Variants in CCDC32 observed in about 807,000 individuals in gnomAD.
CCDC32 encodes coiled-coil domain containing 32.
CCDC32 carries 9 observed loss-of-function variants against 20.1 expected under a neutral mutation model. The observed-to-expected ratio is 0.45, with a 90% CI of 0.27 to 0.78. The LOEUF (loss-of-function observed/expected upper bound fraction) is 0.78, where lower values mean the gene tolerates loss of function less well. Ranked by LOEUF, CCDC32 falls within the 30% of genes least tolerant of loss-of-function variation. CCDC32 has a pLI of 0.16. For missense variants in CCDC32, 204 were observed against 215.5 expected, an observed-to-expected ratio of 0.95 and a Z score of 0.33; for synonymous variants, 63 against 79.0, an observed-to-expected ratio of 0.80 and a Z score of 1.07.
chr15:40,539,305 G>T, exon 4 of CCDC32: 1 of 1,535,598 alleles, frequency 6.5e-7, no homozygotes, highest in Non-Finnish European at 8.7e-7. Context: ...GCTGTCCCAC[G>T]CTCCATCCTC....
downstream of CCDC32, among the ~76,000 whole-genome samples, chr15:40,533,896 T>G (rs2959535): frequency 0.88 from 134,227 of 151,992 alleles, 59,596 homozygotes; most frequent in Non-Finnish European, 0.93. Flanking sequence ...GAAATCAAAT[T>G]ACTTTTACAA....
At chr15:40,530,488 CCTCTCTCTCTCT>C (rs896502252), downstream of CCDC32, among the ~76,000 whole-genome samples, 1 of 139,420 alleles carries the variant, frequency 7.2e-6, no homozygotes, top group South Asian at 2.4e-4. Flanking sequence ...TCTCTCTCTC[CCTCTCTCTCTCT>C]CTCTGGTTGT....
downstream of CCDC32, among the ~76,000 whole-genome samples, chr15:40,530,726 T>G (rs1483683054): frequency 6.7e-6 from 1 of 150,242 alleles, no homozygotes; most frequent in Non-Finnish European, 1.5e-5. Flanking sequence ...GTATTCCTTT[T>G]TTTTTTTTTT....
At chr15:40,556,024 C>G (rs1369717401) in intron 3 of CCDC32, among the ~76,000 whole-genome samples, 1 of 152,188 alleles carries the variant, frequency 6.6e-6, no homozygotes, top group African/African-American at 2.4e-5. Context: ...TCATTTAACC[C>G]TCATAACAAC....
intron 3 of CCDC32, among the ~76,000 whole-genome samples, chr15:40,544,841 A>G (rs1889547242): frequency 6.6e-6 from 1 of 152,108 alleles, no homozygotes; most frequent in African/African-American, 2.4e-5. Flanking sequence ...CTAGTTGTGT[A>G]GTTAATTTCT....
chr15:40,550,726 G>A (rs893981347), downstream of CCDC32, among the ~76,000 whole-genome samples: 8 of 152,146 alleles, frequency 5.3e-5, no homozygotes, highest in Non-Finnish European at 1.2e-4. Context: ...GTTCCCTTCC[G>A]TGGAGTCGTG....
At chr15:40,533,497 C>T (rs1211877798), downstream of CCDC32, among the ~76,000 whole-genome samples, 1 of 152,010 alleles carries the variant, frequency 6.6e-6, no homozygotes, top group African/African-American at 2.4e-5. Context: ...CAAGTGCGCA[C>T]CACCACGCCC....
At chr15:40,559,608 A>G (rs566279368) in intron 2 of CCDC32, among the ~76,000 whole-genome samples, 2 of 152,218 alleles carry the variant, frequency 1.3e-5, no homozygotes, top group South Asian at 4.2e-4. Context: ...CTATCTTTCT[A>G]TCACTCCACC....
chr15:40,537,128 A>C (rs1889151208), downstream of CCDC32: 1 of 152,378 alleles, frequency 6.6e-6, no homozygotes, highest in African/African-American at 2.4e-5. Context: ...AAGGACCACC[A>C]GGGGCTCCAG....
chr15:40,543,140 T>TAA (rs147088623), intron 3 of CCDC32, among the ~76,000 whole-genome samples: 30 of 140,164 alleles, frequency 2.1e-4, no homozygotes, highest in Middle Eastern at 3.7e-3. Flanking sequence ...AGACTCTGTC[T>TAA]AAAAAAAAAA....
intron 3 of CCDC32, among the ~76,000 whole-genome samples, chr15:40,541,173 T>C (rs1446813054): frequency 6.6e-6 from 1 of 152,158 alleles, no homozygotes; most frequent in Non-Finnish European, 1.5e-5. Context: ...CCCTCCTCTC[T>C]CCTCTGCGTG....
chr15:40,545,186 C>T (rs556618167), intron 3 of CCDC32, among the ~76,000 whole-genome samples: 88 of 152,312 alleles, frequency 5.8e-4, no homozygotes, highest in Non-Finnish European at 9.8e-4. Context: ...TGCTGAAGAC[C>T]ACACTGCACC....
chr15:40,562,627 T>G, intron 2 of CCDC32, 145 bp downstream of exon 2: 2 of 894,678 alleles, frequency 2.2e-6, no homozygotes, highest in Non-Finnish European at 3.4e-6. Context: ...AAAAGGGGGC[T>G]GCTTCCCAAC....
chr15:40,539,882 C>CACACACACACACACACACACACACA lies in CCDC32; in HGVS notation c.402-528_402-527insTGTGTGTGTGTGTGTGTGTGTGTGT, dbSNP rs1555413885. On this transcript the variant is annotated intron_variant, in intron 3 of 3. Coordinates refer to the CCDC32 transcript ENST00000558113. ...CACACACACACACACACACACACACCCCGCTCCTTGCCCTTGATTCCATGT... is the reference window on the plus strand; with the variant it reads ...CACACACACACACACACACACACACCACACACACACACACACACACACACACCGCTCCTTGCCCTTGATTCCATGT... Among the ~76,000 whole-genome samples the CACACACACACACACACACACACACA allele has an allele frequency of 2.2e-4, 15 of 67,258 alleles. No individual in the cohort carries two copies. In the Admixed American group the frequency reaches 2.8e-3, roughly 12 times the overall value. 44.1% of individuals were successfully genotyped at this position (67,258 alleles called of 152,430 possible).
At chr15:40,537,373 C>T (rs571572985), downstream of CCDC32, 3 of 152,472 alleles carry the variant, frequency 2.0e-5, no homozygotes, top group East Asian at 5.8e-4. Context: ...CTCTCATCCA[C>T]TCCTGAAGCC....
intron 3 of CCDC32, among the ~76,000 whole-genome samples, chr15:40,540,294 C>CATCTTTG (rs1889331833): frequency 6.6e-6 from 1 of 152,080 alleles, no homozygotes; most frequent in East Asian, 1.9e-4. Context: ...GAAGTGTCTC[C>CATCTTTG]AAGGCTTTGA....
intron 3 of CCDC32, among the ~76,000 whole-genome samples, chr15:40,555,756 TTTCGGCAGCAGTACTTC>T (rs1324916426): frequency 2.0e-5 from 3 of 152,218 alleles, no homozygotes; most frequent in Non-Finnish European, 2.9e-5. Flanking sequence ...ACTGTCCTGA[TTTCGGCAGCAGTACTTC>T]TTCTGATATG....
chr15:40,529,015 A>G (rs894837473), intron 3 of CCDC32, among the ~76,000 whole-genome samples: 3 of 152,098 alleles, frequency 2.0e-5, no homozygotes, highest in African/African-American at 7.2e-5. Flanking sequence ...TTGTCTGGAG[A>G]TTCTCTTCCC....
chr15:40,558,801 T>C (rs1399673831), intron 2 of CCDC32, among the ~76,000 whole-genome samples: 1 of 100,838 alleles, frequency 9.9e-6, no homozygotes, highest in Non-Finnish European at 2.1e-5. Context: ...ACTTTTTCTT[T>C]CTTTCTTTTT....
Sources: allele counts gnomAD v4.1 joint callset (sites outside exome capture counted in the v4.1 genomes callset), GRCh38; gene constraint gnomAD v4.1.1; transcripts MANE v1.5; gene names NCBI Gene and HGNC (gene_info 2026-07-23, HGNC 2026-07-21).